The following PPM1L variants were observed in gnomAD, a reference collection of about 807,000 sequenced individuals.
PPM1L encodes the protein protein phosphatase 1L.
Under a neutral mutation model 31.4 loss-of-function variants are expected in PPM1L, and 13 were observed. That is an observed-to-expected ratio of 0.41 (90% CI 0.27 to 0.66). PPM1L has a LOEUF of 0.66. Ranked by LOEUF, PPM1L falls within the 30% of genes least tolerant of loss-of-function variation. The pLI, the probability that PPM1L is intolerant of heterozygous loss-of-function variation, is 0.29. For missense variants in PPM1L, 326 were observed against 453.7 expected (o/e 0.72, Z 2.56); for synonymous variants, 184 against 175.4 (o/e 1.05, Z -0.39).
chr3:160,838,910 A>C (rs1251490687), intron 1 of PPM1L, among the ~76,000 whole-genome samples: 2 of 152,212 alleles, frequency 1.3e-5, no homozygotes, highest in Non-Finnish European at 2.9e-5. Flanking sequence ...TTAATACCCA[A>C]ATTTATATGT....
chr3:160,855,837 C>T (rs541721945), intron 1 of PPM1L, among the ~76,000 whole-genome samples: 56 of 152,174 alleles, frequency 3.7e-4, no homozygotes, highest in East Asian at 1.4e-3. Flanking sequence ...AACTCCCATT[C>T]GACCCAGCAA....
rs1286473158 is a variant in PPM1L, at chr3:161,078,501, T to G, written c.*9344T>G. The G allele has an allele frequency of 6.6e-6, 1 of 152,250 alleles. No individual in the cohort carries two copies. The highest frequency in any genetic ancestry group is 6.5e-5 in the Admixed American group (1 of 15,282). The allele number at this position is 152,250 out of a possible 1,614,324, so 9.4% of individuals were successfully genotyped here. A position where few individuals can be genotyped will look rare whatever the true frequency, so the allele number is the denominator to read the frequency against. ...TAAATAAATCACAGGTCAAAATGACTGTAAAATCAATCAGGCTTTCTCGTA... is the reference window on the plus strand; with the variant it reads ...TAAATAAATCACAGGTCAAAATGACGGTAAAATCAATCAGGCTTTCTCGTA... On this transcript the variant is annotated 3_prime_UTR_variant, in exon 4 of 4. Coordinates refer to ENST00000498165, the MANE Select transcript of PPM1L (RefSeq NM_139245.4).
intron 1 of PPM1L, among the ~76,000 whole-genome samples, chr3:160,813,597 C>T (rs1345248329): frequency 6.6e-6 from 1 of 152,160 alleles, no homozygotes; most frequent in Non-Finnish European, 1.5e-5. Flanking sequence ...GCCTCAGCCA[C>T]CCAAAGTGCT....
At chr3:160,862,702 A>ACACACACT (rs1711944823) in intron 1 of PPM1L, among the ~76,000 whole-genome samples, 1 of 133,838 alleles carries the variant, frequency 7.5e-6, no homozygotes, top group Non-Finnish European at 1.5e-5. Context: ...ACACACACAC[A>ACACACACT]CAAAATTCTG....
chr3:161,063,846 A>G (rs1237219379), intron 2 of PPM1L, among the ~76,000 whole-genome samples: 1 of 152,244 alleles, frequency 6.6e-6, no homozygotes, highest in Non-Finnish European at 1.5e-5. Flanking sequence ...GCCATAAAAA[A>G]GGATGAATTC....
intron 3 of PPM1L, among the ~76,000 whole-genome samples, chr3:161,066,450 T>C (rs1365125163): frequency 1.3e-5 from 2 of 152,220 alleles, no homozygotes; most frequent in African/African-American, 4.8e-5. Flanking sequence ...TGGAAAGACA[T>C]GAAGCAGGTA....
At chr3:160,921,988 C>T (rs1178629810) in intron 1 of PPM1L, among the ~76,000 whole-genome samples, 1 of 152,144 alleles carries the variant, frequency 6.6e-6, no homozygotes, top group Admixed American at 6.5e-5. Flanking sequence ...TTACTAATGA[C>T]CAGAAATTCC....
intron 1 of PPM1L, among the ~76,000 whole-genome samples, chr3:160,883,647 T>C (rs1421987965): frequency 6.6e-6 from 1 of 151,980 alleles, no homozygotes; most frequent in Non-Finnish European, 1.5e-5. Flanking sequence ...TAGGTCCTTT[T>C]TGTTTCCATA....
At chr3:161,051,830 C>T (rs35413889) in intron 2 of PPM1L, among the ~76,000 whole-genome samples, 5 of 152,186 alleles carry the variant, frequency 3.3e-5, no homozygotes, top group Non-Finnish European at 7.3e-5. Context: ...ACTGCAGAAC[C>T]TGCCAATGGC....
intron 1 of PPM1L, among the ~76,000 whole-genome samples, chr3:160,791,290 A>G (rs963456941): frequency 1.3e-5 from 2 of 152,164 alleles, no homozygotes; most frequent in Non-Finnish European, 2.9e-5. Context: ...CACTTTTGCC[A>G]TTGAACTCCT....
At chr3:160,907,643 A>G (rs1410997814) in intron 1 of PPM1L, among the ~76,000 whole-genome samples, 1 of 152,192 alleles carries the variant, frequency 6.6e-6, no homozygotes, top group Non-Finnish European at 1.5e-5. Context: ...CACTATGTTT[A>G]ATGAATACTA....
chr3:160,786,782 C>T (rs541390537), intron 1 of PPM1L, among the ~76,000 whole-genome samples: 8 of 152,058 alleles, frequency 5.3e-5, no homozygotes, highest in African/African-American at 9.6e-5. Flanking sequence ...TGGTGTCTAT[C>T]GTTATCTTAT....
chr3:161,040,875 A>C (rs974160498), intron 2 of PPM1L, among the ~76,000 whole-genome samples: 2 of 152,116 alleles, frequency 1.3e-5, no homozygotes, highest in Non-Finnish European at 2.9e-5. Flanking sequence ...TCCCCAAAAC[A>C]TGTTTATTTG....
At chr3:160,775,282 G>A (rs1489072689) in intron 1 of PPM1L, among the ~76,000 whole-genome samples, 1 of 152,158 alleles carries the variant, frequency 6.6e-6, no homozygotes, top group East Asian at 1.9e-4. Context: ...CTCCTTTGCT[G>A]TGTGCCAATA....
In PPM1L at chr3:160,822,773, G is replaced by A. The variant is rs138779276; in HGVS notation, c.399+66066G>A. On this transcript the variant is annotated intron_variant, in intron 1 of 3. Coordinates refer to ENST00000498165, the MANE Select transcript of PPM1L (RefSeq NM_139245.4). ...TTGCAAATGGCTGGGCTGACCACAG[G>A]TGCTTTGTTACATTTATTTAACAAA... Among the ~76,000 whole-genome samples, 142 of 152,180 alleles carry A rather than the reference G, an allele frequency of 9.3e-4. No individual in the cohort carries two copies. In the Middle Eastern group the frequency reaches 0.027, roughly 29 times the overall value.
chr3:160,767,849 T>C lies in PPM1L; in HGVS notation c.399+11142T>C, dbSNP rs149637901. ...TAGGGCAGAAACTGTTTTATTCTGATAAGTGTATACCATTTCTTTTTAATC... is the reference window on the plus strand; with the variant it reads ...TAGGGCAGAAACTGTTTTATTCTGACAAGTGTATACCATTTCTTTTTAATC... On this transcript the variant is annotated intron_variant, in intron 1 of 3. Coordinates refer to ENST00000498165, the MANE Select transcript of PPM1L (RefSeq NM_139245.4). Among the ~76,000 whole-genome samples, 135 of 152,354 alleles carry C rather than the reference T, an allele frequency of 8.9e-4. 1 individual carries two copies. In the East Asian group the frequency reaches 0.025, roughly 28 times the overall value.
At chr3:160,955,211 A>G (rs572069075) in intron 1 of PPM1L, among the ~76,000 whole-genome samples, 2 of 151,906 alleles carry the variant, frequency 1.3e-5, no homozygotes, top group Non-Finnish European at 2.9e-5. Context: ...GGGTTTCACC[A>G]TGTTGGCCAG....
At chr3:160,791,119 C>T (rs1053473298) in intron 1 of PPM1L, among the ~76,000 whole-genome samples, 1 of 152,084 alleles carries the variant, frequency 6.6e-6, no homozygotes, top group African/African-American at 2.4e-5. Flanking sequence ...TGGTCTCTCA[C>T]TAGTTTTATA....
In PPM1L at chr3:160,814,694, C is replaced by T. The variant is rs144891399; in HGVS notation, c.399+57987C>T. Reference sequence around the variant, plus strand: ...TACCATATATATGGTATATACCATACGTATATGTGTATATATATGTGTATG... The same window carrying T: ...TACCATATATATGGTATATACCATATGTATATGTGTATATATATGTGTATG... On this transcript the variant is annotated intron_variant, in intron 1 of 3. Coordinates refer to ENST00000498165, the MANE Select transcript of PPM1L (RefSeq NM_139245.4). Among the ~76,000 whole-genome samples, 109 of 97,842 alleles carry T rather than the reference C, an allele frequency of 1.1e-3. 3 individuals are homozygous for T. In the East Asian group the frequency reaches 0.033, roughly 30 times the overall value. 64.2% of individuals were successfully genotyped at this position (97,842 alleles called of 152,430 possible).
Sources: allele counts gnomAD v4.1 joint callset (sites outside exome capture counted in the v4.1 genomes callset), GRCh38; gene constraint gnomAD v4.1.1; transcripts MANE v1.5; gene names NCBI Gene and HGNC (gene_info 2026-07-23, HGNC 2026-07-21).